The following DAP variants were observed in gnomAD, a reference collection of about 807,000 sequenced individuals.
The protein encoded by DAP is death associated protein, also known as death-associated protein 1.
DAP carries 8 observed loss-of-function variants against 13.8 expected under a neutral mutation model. The ratio of observed to expected loss-of-function variants is 0.58; its 90% CI spans 0.34 to 1.05. DAP has a LOEUF of 1.05. Among genes scored for constraint, DAP ranks in the 50% least tolerant of loss-of-function variants. The pLI is 0.03. For synonymous variants in DAP, 47 were observed against 47.5 expected, an observed-to-expected ratio of 0.99 and a Z score of 0.04; for missense variants, 106 against 133.2, an observed-to-expected ratio of 0.80 and a Z score of 1.01.
At chr5:10,729,989 C>G (rs1314023307) in intron 2 of DAP, among the ~76,000 whole-genome samples, 1 of 152,246 alleles carries the variant, frequency 6.6e-6, no homozygotes, top group African/African-American at 2.4e-5. Context: ...AAGGCCTTGG[C>G]TACCATTAAT....
Position 10,720,990 on chromosome 5 carries a change from C to G in DAP, c.152+27185G>C, listed in dbSNP as rs140495023. Among the ~76,000 whole-genome samples the G allele has an allele frequency of 3.4e-4, 52 of 152,314 alleles. 1 individual carries two copies. The highest frequency in any genetic ancestry group is 1.1e-3 in the African/African-American group (47 of 41,572). On this transcript the variant is annotated intron_variant, in intron 2 of 3. Transcript: ENST00000230895. ...GCACGCACTTTATGACTAAAGAAGTCTGACACTGGGCTCATGCTCATGGAA... is the reference window on the plus strand; with the variant it reads ...GCACGCACTTTATGACTAAAGAAGTGTGACACTGGGCTCATGCTCATGGAA...
chr5:10,685,534 C>T (rs1738134965), intron 2 of DAP, among the ~76,000 whole-genome samples: 1 of 152,182 alleles, frequency 6.6e-6, no homozygotes, highest in Admixed American at 6.5e-5. Context: ...AAGGAATACA[C>T]AAATGGCAGC....
At chr5:10,696,112 C>T (rs910525033) in intron 2 of DAP, among the ~76,000 whole-genome samples, 2 of 151,992 alleles carry the variant, frequency 1.3e-5, no homozygotes, top group African/African-American at 4.8e-5. Context: ...ATCTTCCCTC[C>T]CCCTCCTCCT....
chr5:10,758,069 G>C (rs985298967), intron 1 of DAP, among the ~76,000 whole-genome samples: 1 of 152,174 alleles, frequency 6.6e-6, no homozygotes, highest in African/African-American at 2.4e-5. Context: ...ATTTCTGATT[G>C]AGCATTGAGG....
chr5:10,690,552 A>G (rs5745273), intron 2 of DAP, among the ~76,000 whole-genome samples: 6,326 of 152,274 alleles, frequency 0.042, 199 homozygotes, highest in South Asian at 0.081. Context: ...GGAATCATAC[A>G]GTACTTGTCT....
chr5:10,745,648 G>C (rs1360506491), intron 2 of DAP, among the ~76,000 whole-genome samples: 1 of 152,188 alleles, frequency 6.6e-6, no homozygotes, highest in East Asian at 1.9e-4. Flanking sequence ...CTAGTGGGCT[G>C]TTCTGTCCTT....
chr5:10,695,655 A>G (rs550227063), intron 2 of DAP, among the ~76,000 whole-genome samples: 1 of 152,288 alleles, frequency 6.6e-6, no homozygotes, highest in South Asian at 2.1e-4. Flanking sequence ...TGGGACGGCA[A>G]TCTGCCCCTT....
chr5:10,696,261 C>T (rs1738436252), intron 2 of DAP, among the ~76,000 whole-genome samples: 1 of 152,068 alleles, frequency 6.6e-6, no homozygotes, highest in Non-Finnish European at 1.5e-5. Context: ...AAATTCATCA[C>T]ATATACAGAA....
At chr5:10,730,395 G>T (rs536305023) in intron 2 of DAP, among the ~76,000 whole-genome samples, 1 of 152,344 alleles carries the variant, frequency 6.6e-6, no homozygotes. Flanking sequence ...CTACAAGAGT[G>T]GGGGACTGAG....
chr5:10,733,108 T>C (rs1308569075), intron 2 of DAP, among the ~76,000 whole-genome samples: 2 of 152,000 alleles, frequency 1.3e-5, no homozygotes, highest in Non-Finnish European at 2.9e-5. Flanking sequence ...CCCCATGACG[T>C]GGCATATGAC....
intron 2 of DAP, among the ~76,000 whole-genome samples, chr5:10,743,285 G>T (rs1345644835): frequency 6.6e-6 from 1 of 152,146 alleles, no homozygotes; most frequent in Non-Finnish European, 1.5e-5. Flanking sequence ...TCAAGCAATT[G>T]CATTTCCCAC....
At chr5:10,757,214 G>A (rs540643370) in intron 1 of DAP, among the ~76,000 whole-genome samples, 5 of 152,148 alleles carry the variant, frequency 3.3e-5, no homozygotes, top group South Asian at 2.1e-4. Flanking sequence ...CAGCCTTTCC[G>A]GCCGCTCCCA....
chr5:10,697,348 TC>T (rs1455598356), intron 2 of DAP, among the ~76,000 whole-genome samples: 1 of 152,194 alleles, frequency 6.6e-6, no homozygotes, highest in Non-Finnish European at 1.5e-5. Flanking sequence ...TGTATAACGA[TC>T]ATCTATGTAT....
intron 1 of DAP, among the ~76,000 whole-genome samples, chr5:10,748,740 GC>G (rs1739973808): frequency 6.6e-6 from 1 of 152,212 alleles, no homozygotes. Context: ...CAGGCAAGTG[GC>G]AACAAAACTT....
chr5:10,730,661 T>G (rs2126666217), intron 2 of DAP, among the ~76,000 whole-genome samples: 1 of 107,290 alleles, frequency 9.3e-6, no homozygotes, highest in African/African-American at 3.6e-5. Flanking sequence ...AATCTTTCTC[T>G]ACTGAGAGCC....
At chr5:10,728,051 T>C (rs1476622822) in intron 2 of DAP, among the ~76,000 whole-genome samples, 4 of 143,076 alleles carry the variant, frequency 2.8e-5, no homozygotes, top group Admixed American at 2.1e-4. Flanking sequence ...TGGGTGACTC[T>C]GCCGTGGGTT....
rs553269371 is a variant in DAP at position 10,696,617 on chromosome 5, C to G, written c.153-13046G>C. On this transcript the variant is annotated intron_variant, in intron 2 of 3. Coordinates refer to ENST00000230895, the MANE Select transcript of DAP (RefSeq NM_004394.3). ...TCACTGTGCTTGGAATAGGCCTCCA[C>G]TGACAAGCTCATGTTTAGTGGCAAT... is the stretch of plus-strand genomic sequence containing the variant. Among the ~76,000 whole-genome samples the G allele has an allele frequency of 5.3e-5, 8 of 152,344 alleles. No individual in the cohort carries two copies. In the East Asian group the frequency reaches 1.5e-3, roughly 29 times the overall value.
chr5:10,712,347 A>G (rs1475840873), intron 2 of DAP, among the ~76,000 whole-genome samples: 3 of 152,184 alleles, frequency 2.0e-5, no homozygotes, highest in Admixed American at 2.0e-4. Flanking sequence ...ACAGCAACAC[A>G]CACAGCATGT....
chr5:10,724,506 GC>G (rs931620499), intron 2 of DAP, among the ~76,000 whole-genome samples: 3 of 152,176 alleles, frequency 2.0e-5, no homozygotes, highest in Non-Finnish European at 4.4e-5. Flanking sequence ...TTTACCAGGG[GC>G]CACCCAGGAG....
Sources: allele counts gnomAD v4.1 joint callset (sites outside exome capture counted in the v4.1 genomes callset), GRCh38; gene constraint gnomAD v4.1.1; transcripts MANE v1.5; gene names NCBI Gene and HGNC (gene_info 2026-07-23, HGNC 2026-07-21).